Variants in IKZF2 observed in about 807,000 individuals in gnomAD.
IKZF2 encodes the protein zinc finger protein Helios.
A neutral mutation model predicts 49.2 loss-of-function variants in IKZF2; 15 were observed. That is an observed-to-expected ratio of 0.30 (90% CI 0.20 to 0.47). IKZF2 has a LOEUF of 0.47. Ranked by LOEUF, IKZF2 falls within the 20% of genes least tolerant of loss-of-function variation. IKZF2 has a pLI of 1.00. For missense variants in IKZF2, 567 were observed against 664.6 expected, an observed-to-expected ratio of 0.85 and a Z score of 1.61; for synonymous variants, 227 against 221.4, an observed-to-expected ratio of 1.03 and a Z score of -0.23.
rs990365626 is a variant in IKZF2 at position 212,999,937 on chromosome 2, ACACT to A, written c.*7419_*7422del. ...TTTAGTTGTACACACATACAGACACACACTCACACATGCATATACAACACTCATA... is the reference window on the plus strand; with the variant it reads ...TTTAGTTGTACACACATACAGACACACACACATGCATATACAACACTCATA... On this transcript the variant is annotated 3_prime_UTR_variant, in exon 9 of 9. Coordinates refer to ENST00000434687, the MANE Select transcript of IKZF2 (RefSeq NM_001387220.1). 14 of 152,226 alleles carry A rather than the reference ACACT, an allele frequency of 9.2e-5. No individual in the cohort carries two copies. The highest frequency in any genetic ancestry group is 1.4e-4 in the African/African-American group (6 of 41,406). 9.4% of individuals were successfully genotyped at this position (152,226 alleles called of 1,614,324 possible).
chr2:213,040,342 A>G (rs938948657), intron 6 of IKZF2, among the ~76,000 whole-genome samples: 1 of 149,214 alleles, frequency 6.7e-6, no homozygotes, highest in Non-Finnish European at 1.5e-5. Context: ...CCCACCCTCT[A>G]CTCTCCAATA....
intron 4 of IKZF2, among the ~76,000 whole-genome samples, chr2:213,145,554 C>G (rs1014345268): frequency 1.3e-5 from 2 of 152,020 alleles, no homozygotes; most frequent in African/African-American, 4.8e-5. Context: ...TTCTAGGTCT[C>G]TTGTTCTAAT....
In IKZF2 at chr2:213,071,902, T is replaced by C. The variant is rs551673942; in HGVS notation, c.140-14803A>G. Among the ~76,000 whole-genome samples, 6 of 151,912 alleles carry C rather than the reference T, an allele frequency of 3.9e-5. No homozygotes were observed. In the South Asian group the frequency reaches 1.2e-3, roughly 32 times the overall value. ...ACAATGCAAGCAAAACCTAAAAATATTAAAATGAAACACACACATACACAC... is the reference window on the plus strand; with the variant it reads ...ACAATGCAAGCAAAACCTAAAAATACTAAAATGAAACACACACATACACAC... On this transcript the variant is annotated intron_variant, in intron 4 of 8. Transcript: ENST00000434687.
At chr2:213,124,583 C>G (rs1430291788) in intron 4 of IKZF2, among the ~76,000 whole-genome samples, 1 of 152,242 alleles carries the variant, frequency 6.6e-6, no homozygotes, top group African/African-American at 2.4e-5. Context: ...TTTTCACGTA[C>G]AAGTGGATAT....
chr2:213,061,514 C>A (rs1236547818), intron 4 of IKZF2, among the ~76,000 whole-genome samples: 2 of 150,850 alleles, frequency 1.3e-5, no homozygotes, highest in African/African-American at 4.9e-5. Context: ...AATCAAAACT[C>A]AAATTTTACT....
At chr2:213,109,758 T>C (rs2059641850) in intron 4 of IKZF2, among the ~76,000 whole-genome samples, 1 of 151,954 alleles carries the variant, frequency 6.6e-6, no homozygotes, top group Admixed American at 6.6e-5. Context: ...AAGAAAAACA[T>C]AAGCAAGGTA....
rs564907101 is a variant in IKZF2 at position 213,115,117 on chromosome 2, G to A, written c.139+32591C>T. ...AGCTGGATAATAAATATATACAATC[G>A]CATACATTATAATAAAGCATACTGC... On this transcript the variant is annotated intron_variant, in intron 4 of 8. Transcript: ENST00000434687. 1.9e-4 allele frequency among the ~76,000 whole-genome samples: 29 copies of A among 152,204 alleles called. No homozygotes were observed. The South Asian group carries it at 2.5e-3, about 13-fold the overall frequency.
At chr2:213,084,863 C>T (rs16825064) in intron 4 of IKZF2, among the ~76,000 whole-genome samples, 3,310 of 152,220 alleles carry the variant, frequency 0.022, 122 homozygotes, top group African/African-American at 0.075. Flanking sequence ...CTCATTTGTC[C>T]TCATTTTCTA....
intron 6 of IKZF2, among the ~76,000 whole-genome samples, chr2:213,026,901 C>T (rs1393484560): frequency 6.6e-6 from 1 of 152,066 alleles, no homozygotes; most frequent in Non-Finnish European, 1.5e-5. Flanking sequence ...ATTCAGTTTG[C>T]TCAGCATTCT....
chr2:213,019,304 C>T (rs766334402), intron 7 of IKZF2, among the ~76,000 whole-genome samples: 9 of 151,966 alleles, frequency 5.9e-5, no homozygotes, highest in Admixed American at 2.0e-4. Context: ...ATATCTACCA[C>T]AAAAAAGGAA....
intron 6 of IKZF2, among the ~76,000 whole-genome samples, chr2:213,045,412 G>GT (rs1700057263): frequency 6.6e-6 from 1 of 152,158 alleles, no homozygotes; most frequent in African/African-American, 2.4e-5. Flanking sequence ...ATCAGAAGCA[G>GT]TTTTTTCCCT....
chr2:213,019,041 G>T (rs1696911483), intron 7 of IKZF2, among the ~76,000 whole-genome samples: 1 of 151,778 alleles, frequency 6.6e-6, no homozygotes, highest in Non-Finnish European at 1.5e-5. Flanking sequence ...TAAAAGACTG[G>T]GTCCATTTAT....
intron 4 of IKZF2, among the ~76,000 whole-genome samples, chr2:213,086,040 A>G (rs1051729170): frequency 2.0e-5 from 3 of 152,192 alleles, no homozygotes; most frequent in African/African-American, 7.2e-5. Context: ...TGAGGGCAAC[A>G]CCAAATGCTA....
intron 4 of IKZF2, among the ~76,000 whole-genome samples, chr2:213,126,713 G>C (rs1189287053): frequency 6.6e-6 from 1 of 152,010 alleles, no homozygotes; most frequent in African/African-American, 2.4e-5. Context: ...GGAACACAAA[G>C]AAAAAGAAAT....
chr2:213,071,169 G>A (rs1202692698), intron 4 of IKZF2, among the ~76,000 whole-genome samples: 1 of 152,002 alleles, frequency 6.6e-6, no homozygotes, highest in African/African-American at 2.4e-5. Context: ...CAAGTTGGGG[G>A]AAAATGTTTC....
At chr2:213,149,782 C>A (rs951059762) in intron 2 of IKZF2, among the ~76,000 whole-genome samples, 4 of 131,010 alleles carry the variant, frequency 3.1e-5, no homozygotes, top group African/African-American at 1.1e-4. Context: ...CCCTTACCCC[C>A]CCCCCAAAAA....
intron 4 of IKZF2, among the ~76,000 whole-genome samples, chr2:213,095,595 G>GGTATACCATA (rs1338300660): frequency 5.3e-5 from 8 of 151,822 alleles, no homozygotes; most frequent in Non-Finnish European, 1.0e-4. Context: ...TTTAACCACA[G>GGTATACCATA]GTATACCATA....
intron 4 of IKZF2, among the ~76,000 whole-genome samples, chr2:213,094,427 C>T (rs944858405): frequency 1.3e-5 from 2 of 152,092 alleles, no homozygotes; most frequent in African/African-American, 4.8e-5. Flanking sequence ...CAAGAGACTA[C>T]CATAGCTTCA....
At chr2:213,087,050 C>A (rs1704702008) in intron 4 of IKZF2, among the ~76,000 whole-genome samples, 1 of 152,008 alleles carries the variant, frequency 6.6e-6, no homozygotes, top group African/African-American at 2.4e-5. Flanking sequence ...GAATAAAACA[C>A]CTTCCACAAT....
Sources: gnomAD v4.1 joint callset for allele counts (sites outside exome capture counted in the v4.1 genomes callset) on GRCh38, gnomAD v4.1.1 for gene constraint, MANE v1.5 for transcripts, NCBI Gene and HGNC (gene_info 2026-07-23, HGNC 2026-07-21) for gene names.